POU6F2: variants seen among roughly 807,000 people sequenced by gnomAD.
The protein encoded by POU6F2 is POU class 6 homeobox 2.
Under a neutral mutation model 71.3 loss-of-function variants are expected in POU6F2, and 31 were observed. The ratio of observed to expected loss-of-function variants is 0.43; its 90% CI spans 0.33 to 0.59. The LOEUF is 0.59. Among genes scored for constraint, POU6F2 ranks in the 20% least tolerant of loss-of-function variants. The pLI, the probability that POU6F2 is intolerant of heterozygous loss-of-function variation, is 0.04. For synonymous variants in POU6F2, 347 were observed against 355.7 expected, an observed-to-expected ratio of 0.98 and a Z score of 0.27; for missense variants, 783 against 856.8, an observed-to-expected ratio of 0.91 and a Z score of 1.07.
chr7:39,262,832 A>C (rs1458204136), intron 4 of POU6F2, among the ~76,000 whole-genome samples: 1 of 152,226 alleles, frequency 6.6e-6, no homozygotes, highest in Non-Finnish European at 1.5e-5. Context: ...CATATACTTA[A>C]CAAAATTACC....
At chr7:39,170,497 G>A (rs1433605608) in intron 2 of POU6F2, among the ~76,000 whole-genome samples, 2 of 151,966 alleles carry the variant, frequency 1.3e-5, no homozygotes, top group Non-Finnish European at 2.9e-5. Context: ...ATGCAGTATT[G>A]CAATATCATT....
intron 4 of POU6F2, among the ~76,000 whole-genome samples, chr7:39,245,770 C>T (rs568461797): frequency 4.6e-5 from 7 of 152,238 alleles, no homozygotes; most frequent in African/African-American, 1.7e-4. Context: ...TCAATAGGAG[C>T]ATCAGTGGGG....
At chr7:39,026,840 C>T (rs1789816393) in intron 1 of POU6F2, among the ~76,000 whole-genome samples, 2 of 151,928 alleles carry the variant, frequency 1.3e-5, no homozygotes, top group African/African-American at 4.8e-5. Context: ...AAGATAGGCT[C>T]CATTTGTACT....
chr7:39,288,107 A>G (rs1245157138), intron 4 of POU6F2, among the ~76,000 whole-genome samples: 1 of 152,238 alleles, frequency 6.6e-6, no homozygotes, highest in Non-Finnish European at 1.5e-5. Context: ...AAAAATAATT[A>G]AAGACCAAGC....
At chr7:39,396,898 T>TA (rs35808118) in intron 5 of POU6F2, among the ~76,000 whole-genome samples, 572 of 141,210 alleles carry the variant, frequency 4.1e-3, no homozygotes, top group Non-Finnish European at 5.5e-3. Flanking sequence ...AACCAATCAT[T>TA]AAAAAAAAAA....
chr7:39,218,801 A>G (rs993453742), intron 4 of POU6F2, among the ~76,000 whole-genome samples: 3 of 152,124 alleles, frequency 2.0e-5, no homozygotes, highest in Non-Finnish European at 4.4e-5. Context: ...GGAGATCCCT[A>G]CTTTAAGCTG....
At chr7:38,979,309 C>T (rs1057233910) in intron 1 of POU6F2, among the ~76,000 whole-genome samples, 2 of 151,900 alleles carry the variant, frequency 1.3e-5, no homozygotes, top group Non-Finnish European at 2.9e-5. Context: ...TCATCTTATT[C>T]TGTTTTCAAC....
Position 39,443,820 on chromosome 7 carries a change from T to A in POU6F2, c.1321-7713T>A, listed in dbSNP as rs533851058. 6.6e-5 allele frequency among the ~76,000 whole-genome samples: 10 copies of A among 152,322 alleles called. No individual in the cohort carries two copies. In the South Asian group the frequency reaches 2.1e-3, roughly 32 times the overall value. On this transcript the variant is annotated intron_variant, in intron 7 of 9. Transcript: ENST00000518318. ...GGACAACCACTAAAAAATAAAGGATTTCTGTCACACATTAGAGAAGTTTCT... is the reference window on the plus strand; with the variant it reads ...GGACAACCACTAAAAAATAAAGGATATCTGTCACACATTAGAGAAGTTTCT...
At chr7:39,303,432 A>G (rs183879614) in intron 4 of POU6F2, among the ~76,000 whole-genome samples, 230 of 152,288 alleles carry the variant, frequency 1.5e-3, no homozygotes, top group African/African-American at 5.2e-3. Context: ...CAGGCGTGAG[A>G]CACCACGCCC....
chr7:39,441,002 G>A (rs2159154), intron 7 of POU6F2, among the ~76,000 whole-genome samples: 50,941 of 151,592 alleles, frequency 0.34, 9,528 homozygotes, highest in East Asian at 0.58. Flanking sequence ...CTACTCATCC[G>A]ATTCACTCCC....
intron 1 of POU6F2, among the ~76,000 whole-genome samples, chr7:38,992,072 T>C (rs1788618676): frequency 6.6e-6 from 1 of 152,140 alleles, no homozygotes; most frequent in Non-Finnish European, 1.5e-5. Context: ...CTACTTCCCA[T>C]ACAACTCCTA....
intron 2 of POU6F2, among the ~76,000 whole-genome samples, chr7:39,086,502 A>G (rs995379536): frequency 6.6e-6 from 1 of 152,184 alleles, no homozygotes; most frequent in African/African-American, 2.4e-5. Flanking sequence ...CCAGGTAAAC[A>G]AAGGTGGACA....
intron 2 of POU6F2, among the ~76,000 whole-genome samples, chr7:39,199,293 G>T (rs906558180): frequency 6.6e-6 from 1 of 152,126 alleles, no homozygotes; most frequent in South Asian, 2.1e-4. Context: ...AAAGGGTAAG[G>T]CTCCAGAAAG....
chr7:39,345,298 C>G (rs546383186), intron 5 of POU6F2, among the ~76,000 whole-genome samples: 19 of 152,314 alleles, frequency 1.2e-4, no homozygotes, highest in African/African-American at 4.3e-4. Flanking sequence ...CCTCATCCCT[C>G]TCAGCTTTGC....
intron 3 of POU6F2, among the ~76,000 whole-genome samples, chr7:39,206,202 T>C (rs1323002303): frequency 6.6e-6 from 1 of 152,208 alleles, no homozygotes; most frequent in Non-Finnish European, 1.5e-5. Flanking sequence ...ATGTTCCACA[T>C]GGCTCCCACA....
intron 4 of POU6F2, among the ~76,000 whole-genome samples, chr7:39,269,009 C>A (rs1784298913): frequency 6.6e-6 from 1 of 152,122 alleles, no homozygotes; most frequent in Non-Finnish European, 1.5e-5. Flanking sequence ...TTCAGCATAG[C>A]CATGCATGAG....
chr7:39,149,613 T>C (rs1792701816), intron 2 of POU6F2, among the ~76,000 whole-genome samples: 1 of 152,220 alleles, frequency 6.6e-6, no homozygotes, highest in South Asian at 2.1e-4. Flanking sequence ...ATCAGGTCTC[T>C]GAACTTGTTC....
At chr7:39,061,259 T>A (rs6462892) in intron 1 of POU6F2, among the ~76,000 whole-genome samples, 2 of 152,014 alleles carry the variant, frequency 1.3e-5, no homozygotes, top group South Asian at 4.2e-4. Context: ...ATGATATGTT[T>A]ATTTGGTTGA....
chr7:39,343,401 T>C (rs1175139074), intron 5 of POU6F2, among the ~76,000 whole-genome samples: 1 of 141,146 alleles, frequency 7.1e-6, no homozygotes, highest in East Asian at 2.4e-4. Context: ...GCAAAAAACA[T>C]GATCTAGGTA....
Sources: gnomAD v4.1 joint callset for allele counts (sites outside exome capture counted in the v4.1 genomes callset) on GRCh38, gnomAD v4.1.1 for gene constraint, MANE v1.5 for transcripts, NCBI Gene and HGNC (gene_info 2026-07-23, HGNC 2026-07-21) for gene names.